Variants in ARSG observed in about 807,000 individuals in gnomAD.
The protein encoded by ARSG is arylsulfatase G.
Under a neutral mutation model 50.5 loss-of-function variants are expected in ARSG, and 37 were observed. The observed-to-expected ratio is 0.73, with a 90% confidence interval of 0.56 to 0.96. ARSG has a LOEUF of 0.96. Ranked by LOEUF, ARSG falls within the 50% of genes least tolerant of loss-of-function variation. ARSG has a pLI of 0.00. For missense variants in ARSG, 629 were observed against 675.3 expected (o/e 0.93, Z 0.76); for synonymous variants, 225 against 254.6 (o/e 0.88, Z 1.11).
exon 1 of ARSG, chr17:68,259,242 C>A (rs2075036535): frequency 6.6e-6 from 1 of 152,234 alleles, no homozygotes; most frequent in South Asian, 2.1e-4. Flanking sequence ...CCTGTTTCCG[C>A]GCCCGGGGAC....
the ARSG span, among the ~76,000 whole-genome samples, chr17:68,440,517 A>C: frequency 6.6e-6 from 1 of 152,152 alleles, no homozygotes; most frequent in Non-Finnish European, 1.5e-5. Context: ...AATCACCCAC[A>C]ATTCTAAAAC....
chr17:68,406,166 T>A (rs1600121164), intron 11 of ARSG, among the ~76,000 whole-genome samples: 1 of 152,344 alleles, frequency 6.6e-6, no homozygotes, highest in East Asian at 1.9e-4. Context: ...TCTGAGTTAC[T>A]TCACTTAGAA....
chr17:68,260,464 C>T (rs1273346509), intron 1 of ARSG, among the ~76,000 whole-genome samples: 3 of 152,034 alleles, frequency 2.0e-5, no homozygotes, highest in Non-Finnish European at 4.4e-5. Context: ...ATACTTCTGC[C>T]TTAGTACCAA....
rs374323071 is a variant in ARSG at position 68,349,059 on chromosome 17, T to C, written c.454+1887T>C. Among the ~76,000 whole-genome samples, 89 of 152,272 alleles carry C rather than the reference T, an allele frequency of 5.8e-4. 3 individuals are homozygous for C. In the South Asian group the frequency reaches 0.018, roughly 30 times the overall value. ...GCTCACGCCTGTAATCCCAGCACTT[T>C]GGGAGGCTGAGGTGGGTGGATCACC... On this transcript the variant is annotated intron_variant, in intron 4 of 11. Transcript: ENST00000621439.
In ARSG at chr17:68,363,531, G is replaced by A. The variant is rs1039362928; in HGVS notation, c.705-5017G>A. Among the ~76,000 whole-genome samples the A allele has an allele frequency of 3.9e-5, 6 of 151,978 alleles. No individual in the cohort carries two copies. The South Asian group carries it at 6.2e-4, about 16-fold the overall frequency. On this transcript the variant is annotated intron_variant, in intron 6 of 11. Transcript: ENST00000621439. The stretch of plus-strand genomic sequence containing the variant: ...TGCCCAGGCTGGAGTGCAATGGCGC[G>A]ATCTCGGCTCACCGCAACCTCTGCC...
the ARSG span, among the ~76,000 whole-genome samples, chr17:68,428,066 AT>A: frequency 6.7e-6 from 1 of 150,212 alleles, no homozygotes; most frequent in East Asian, 2.0e-4. Flanking sequence ...TAATTTTTAT[AT>A]TTTTTCTTTT....
At chr17:68,299,531 C>G (rs1407105667) in intron 1 of ARSG, among the ~76,000 whole-genome samples, 1 of 151,768 alleles carries the variant, frequency 6.6e-6, no homozygotes, top group Non-Finnish European at 1.5e-5. Flanking sequence ...CCTAGATCTA[C>G]AAGCCAGTTT....
At position 68,270,947 on chromosome 17, in the gene ARSG, G is replaced by C. The variant is rs782346951; in HGVS notation, c.-552+11521G>C. 6.2e-6 allele frequency: 10 copies of C among 1,614,086 alleles called. No homozygotes were observed. In the African/African-American group the frequency reaches 1.3e-4, roughly 22 times the overall value. ...ACGACATCATCCTCAGCAAGCAGTG[G>C]AATGTGAGTCCCTCCTATTGTTCCA... On this transcript the variant is annotated intron_variant, in intron 1 of 11. Coordinates refer to the ARSG transcript ENST00000448504.
chr17:68,414,148 G>A (rs1303051628), intron 11 of ARSG: 2 of 152,728 alleles, frequency 1.3e-5, no homozygotes. Flanking sequence ...CCCCCTGGCT[G>A]TGGGTTTCTT....
intron 4 of ARSG, among the ~76,000 whole-genome samples, chr17:68,349,995 G>A (rs2078686617): frequency 6.6e-6 from 1 of 152,220 alleles, no homozygotes; most frequent in African/African-American, 2.4e-5. Flanking sequence ...GGGGAAGACG[G>A]TATTACCCAG....
Position 68,399,061 on chromosome 17 carries a change from A to T in ARSG, c.1213-2299A>T, listed in dbSNP as rs1231778030. On this transcript the variant is annotated intron_variant, in intron 10 of 11. Coordinates refer to ENST00000621439, the MANE Select transcript of ARSG (RefSeq NM_001267727.2). This position sits in a 1 kb window ranked among gnomAD's most constrained non-coding sequence, Gnocchi z 4.6. ...TCATGATCAGGTCCAGAAATTGTCA[A>T]CGAAGGAACGTTTCCCCTAACAGCT... is the stretch of plus-strand genomic sequence containing the variant. Among the ~76,000 whole-genome samples, 1 of 152,178 alleles carries T rather than the reference A, an allele frequency of 6.6e-6. No homozygotes were observed. The highest frequency in any genetic ancestry group is 1.5e-5 in the Non-Finnish European group (1 of 68,030).
At chr17:68,334,682 C>T (rs1359172229) in intron 2 of ARSG, among the ~76,000 whole-genome samples, 1 of 152,054 alleles carries the variant, frequency 6.6e-6, no homozygotes, top group Non-Finnish European at 1.5e-5. Flanking sequence ...GATGGCCTTG[C>T]TCCTATGGCG....
intron 2 of ARSG, among the ~76,000 whole-genome samples, chr17:68,331,237 C>CTTTCTTTCTTTCTTCG (rs2077748042): frequency 1.4e-5 from 1 of 72,792 alleles, no homozygotes; most frequent in African/African-American, 5.2e-5. Flanking sequence ...TTCTTTGTTT[C>CTTTCTTTCTTTCTTCG]TTTCTTTCTT....
intron 1 of ARSG, among the ~76,000 whole-genome samples, chr17:68,299,426 G>A (rs1416179412): frequency 1.3e-5 from 2 of 151,772 alleles, no homozygotes; most frequent in Non-Finnish European, 2.9e-5. Flanking sequence ...ACGTTGACAC[G>A]TAAACCACTG....
intron 1 of ARSG, among the ~76,000 whole-genome samples, chr17:68,299,511 C>T (rs905744687): frequency 1.3e-5 from 2 of 151,824 alleles, no homozygotes; most frequent in African/African-American, 2.4e-5. Flanking sequence ...GAACCTGGAT[C>T]GGATCTCATC....
At chr17:68,352,092 A>AGAGAGAGAGAGAGAGAGAGAGAG (rs2078799747) in intron 5 of ARSG, among the ~76,000 whole-genome samples, 6 of 104,568 alleles carry the variant, frequency 5.7e-5, no homozygotes, top group Admixed American at 2.0e-4. Flanking sequence ...GACAGAGGAG[A>AGAGAGAGAGAGAGAGAGAGAGAG]GAGAGAGAGA....
intron 11 of ARSG, among the ~76,000 whole-genome samples, chr17:68,403,951 A>G (rs2081593079): frequency 6.6e-6 from 1 of 151,828 alleles, no homozygotes; most frequent in African/African-American, 2.4e-5. Context: ...GAGTGAGAAC[A>G]TGTGGTGTTT....
At chr17:68,306,168 C>T (rs1348038048) in intron 1 of ARSG, among the ~76,000 whole-genome samples, 1 of 151,830 alleles carries the variant, frequency 6.6e-6, no homozygotes, top group Middle Eastern at 3.2e-3. Context: ...ATGCCCGGCT[C>T]ATTTTGTATT....
chr17:68,269,345 A>G (rs1555747674), intron 1 of ARSG: 3 of 1,183,928 alleles, frequency 2.5e-6, no homozygotes, highest in Non-Finnish European at 3.5e-6. Flanking sequence ...CCACCAACAA[A>G]CCTGGAAGAG....
Sources: gnomAD v4.1 joint callset for allele counts (sites outside exome capture counted in the v4.1 genomes callset) on GRCh38, gnomAD v4.1.1 for gene constraint, Gnocchi (gnomAD v3.1) non-coding constraint, MANE v1.5 for transcripts, NCBI Gene and HGNC (gene_info 2026-07-23, HGNC 2026-07-21) for gene names.